Variants in ZSCAN22 observed in about 807,000 individuals in gnomAD.
ZSCAN22 encodes zinc finger and SCAN domain containing 22, also known as zinc finger and SCAN domain-containing protein 22.
Under a neutral mutation model 12.4 loss-of-function variants are expected in ZSCAN22, and 7 were observed. That is an observed-to-expected ratio of 0.57 (90% CI 0.32 to 1.06). ZSCAN22 has a LOEUF of 1.06. ZSCAN22 is among the 50% of genes least tolerant of loss of function. The pLI is 0.04. For missense variants in ZSCAN22, 576 were observed against 631.7 expected (o/e 0.91, Z 0.94); for synonymous variants, 243 against 255.9 (o/e 0.95, Z 0.48).
At chr19:58,330,191 G>A (rs1247335812) in intron 1 of ZSCAN22, among the ~76,000 whole-genome samples, 2 of 152,222 alleles carry the variant, frequency 1.3e-5, no homozygotes, top group Non-Finnish European at 2.9e-5. Context: ...TCGGGAGGCT[G>A]AGGCAGGAGA....
chr19:58,339,393 G>A lies in ZSCAN22; in HGVS notation c.*67G>A. The A allele has an allele frequency of 7.0e-7, 1 of 1,421,962 alleles. No individual in the cohort carries two copies. Among genetic ancestry groups the A allele is most frequent in the South Asian group, 1.4e-5 (1 of 71,546 alleles). 88.1% of individuals were successfully genotyped at this position (1,421,962 alleles called of 1,614,324 possible). A position where few individuals can be genotyped will look rare whatever the true frequency, so the allele number is the denominator to read the frequency against. ...AGGCTCGAGGTCTAAGAGAAACGCT[G>A]AGTTCCTGAAGAGCCACAGACAGGG... On this transcript the variant is annotated 3_prime_UTR_variant, in exon 3 of 3. Transcript: ENST00000329665. The surrounding 1 kb of genome is among the most constrained non-coding windows in gnomAD (Gnocchi z 5.6).
At chr19:58,334,651 CTT>C (rs1208716316) in intron 1 of ZSCAN22, 99 bp from the exon 2 acceptor site, 1 of 856,106 alleles carries the variant, frequency 1.2e-6, no homozygotes, top group Admixed American at 2.9e-5. Flanking sequence ...TTGTGAGAGT[CTT>C]TCACATCTCA....
At chr19:58,336,923 A>G (rs1467921918) in intron 2 of ZSCAN22, among the ~76,000 whole-genome samples, 1 of 152,188 alleles carries the variant, frequency 6.6e-6, no homozygotes, top group Admixed American at 6.5e-5. Context: ...CAGTTTCTGC[A>G]CTGCTGAGCC....
In ZSCAN22 at chr19:58,335,248, C is replaced by T. The variant is rs776527904; in HGVS notation, c.403+43C>T. On this transcript the variant is annotated intron_variant, in intron 2 of 2. Coordinates refer to ENST00000329665, the MANE Select transcript of ZSCAN22 (RefSeq NM_181846.3). This position sits in a 1 kb window ranked among gnomAD's most constrained non-coding sequence, Gnocchi z 4.1. Reference sequence around the variant, plus strand: ...GCAGCTTCACGGCACACCAGAGATACACCCTGGACAGGAACATGGGAGCAC... The same window carrying T: ...GCAGCTTCACGGCACACCAGAGATATACCCTGGACAGGAACATGGGAGCAC... The T allele has an allele frequency of 2.0e-6, 3 of 1,489,616 alleles. No individual in the cohort carries two copies. Among genetic ancestry groups the T allele is most frequent in the East Asian group, 2.4e-5 (1 of 41,054 alleles). The allele number at this position is 1,489,616 out of a possible 1,614,324, so 92.3% of individuals were successfully genotyped here. A position where few individuals can be genotyped will look rare whatever the true frequency, so the allele number is the denominator to read the frequency against.
In ZSCAN22 at chr19:58,341,610, T is replaced by C. The variant is rs964802298; in HGVS notation, c.*2284T>C. Reference sequence around the variant, plus strand: ...AGGTAAGACTCAGGGAGACAGAGACTTTGTGGAAGTATCTCTGAGGGAGTC... The same window carrying C: ...AGGTAAGACTCAGGGAGACAGAGACCTTGTGGAAGTATCTCTGAGGGAGTC... On this transcript the variant is annotated 3_prime_UTR_variant, in exon 3 of 3. Transcript: ENST00000329665. 7 of 152,282 alleles carry C rather than the reference T, an allele frequency of 4.6e-5. No homozygotes were observed. The highest frequency in any genetic ancestry group is 3.9e-4 in the Admixed American group (6 of 15,300). The allele number at this position is 152,282 out of a possible 1,614,324, so 9.4% of individuals were successfully genotyped here.
In ZSCAN22 at chr19:58,342,057, T is replaced by G. The variant is rs1431424144; in HGVS notation, c.*2731T>G. On this transcript the variant is annotated 3_prime_UTR_variant, in exon 3 of 3. Transcript: ENST00000329665. ...TGATGCTCTGAGCATCTTCACCCATTTGGTCGTTGAGACATATCTGTCCAT... is the reference window on the plus strand; with the variant it reads ...TGATGCTCTGAGCATCTTCACCCATGTGGTCGTTGAGACATATCTGTCCAT... 1 of 152,138 alleles carries G rather than the reference T, an allele frequency of 6.6e-6. No homozygotes were observed. Among genetic ancestry groups the G allele is most frequent in the Non-Finnish European group, 1.5e-5 (1 of 68,042 alleles). 9.4% of individuals were successfully genotyped at this position (152,138 alleles called of 1,614,324 possible).
Position 58,339,366 on chromosome 19 carries a change from G to A in ZSCAN22, c.*40G>A, listed in dbSNP as rs199724083. Reference sequence around the variant, plus strand: ...TGGGGGCGTAGCACAGCGTCTTCTCGGAGGCTCGAGGTCTAAGAGAAACGC... The same window carrying A: ...TGGGGGCGTAGCACAGCGTCTTCTCAGAGGCTCGAGGTCTAAGAGAAACGC... On this transcript the variant is annotated 3_prime_UTR_variant, in exon 3 of 3. Coordinates refer to ENST00000329665, the MANE Select transcript of ZSCAN22 (RefSeq NM_181846.3). The surrounding 1 kb of genome is among the most constrained non-coding windows in gnomAD (Gnocchi z 5.6). 52 of 1,518,638 alleles carry A rather than the reference G, an allele frequency of 3.4e-5. No individual in the cohort carries two copies. Among genetic ancestry groups the A allele is most frequent in the Admixed American group, 2.3e-4 (11 of 47,630 alleles). 94.1% of individuals were successfully genotyped at this position (1,518,638 alleles called of 1,614,324 possible).
chr19:58,332,132 G>C (rs1366307636), intron 1 of ZSCAN22, among the ~76,000 whole-genome samples: 1 of 149,710 alleles, frequency 6.7e-6, no homozygotes, highest in South Asian at 2.1e-4. Context: ...CGGTCTCCCA[G>C]AGTGCTGGGA....
rs779224811 is a variant in ZSCAN22 at position 58,340,480 on chromosome 19, CTT to C, written c.*1166_*1167del. On this transcript the variant is annotated 3_prime_UTR_variant, in exon 3 of 3. Transcript: ENST00000329665. ...CTTCTTTTTCTTTTTCTTTTCTTTT[CTT>C]TTTTTTTTTTTGAGATGGAGTCTCG... is the stretch of plus-strand genomic sequence containing the variant. 3.0e-4 allele frequency: 42 copies of C among 142,224 alleles called. No individual in the cohort carries two copies. The highest frequency in any genetic ancestry group is 5.3e-4 in the Non-Finnish European group (36 of 67,570). 8.8% of individuals were successfully genotyped at this position (142,224 alleles called of 1,614,324 possible). A position where few individuals can be genotyped will look rare whatever the true frequency, so the allele number is the denominator to read the frequency against.
Position 58,335,216 on chromosome 19 carries a change from G to A in ZSCAN22, c.403+11G>A, listed in dbSNP as rs374571047. 120 of 1,557,554 alleles carry A rather than the reference G, an allele frequency of 7.7e-5. 2 individuals are homozygous for A. Among genetic ancestry groups the A allele is most frequent in the South Asian group, 5.5e-4 (46 of 83,610 alleles). On this transcript the variant is annotated intron_variant, in intron 2 of 2. Transcript: ENST00000329665. The surrounding 1 kb of genome is among the most constrained non-coding windows in gnomAD (Gnocchi z 4.1). ...TGCTGGACAAGAGAGGTAAAGGGGC[G>A]CCGTGGGCAGCTTCACGGCACACCA...
Position 58,330,179 on chromosome 19 carries a change from AC to A in ZSCAN22, c.-52+3066del, listed in dbSNP as rs527944149. Among the ~76,000 whole-genome samples the A allele has an allele frequency of 3.6e-3, 552 of 152,180 alleles. 3 individuals are homozygous for A. In the Middle Eastern group the frequency reaches 0.044, roughly 12 times the overall value. On this transcript the variant is annotated intron_variant, in intron 1 of 2. Coordinates refer to ENST00000329665, the MANE Select transcript of ZSCAN22 (RefSeq NM_181846.3). ...GTGGTGGGTGCCTGTAGTCCCAGCT[AC>A]TCGGGAGGCTGAGGCAGGAGAATGG...
rs151162243 is a variant in ZSCAN22, at chr19:58,338,381, A to C, written c.531A>C (p.Ala177=). The C allele has an allele frequency of 4.3e-6, 7 of 1,614,080 alleles. No homozygotes were observed. The highest frequency in any genetic ancestry group is 1.3e-5 in the African/African-American group (1 of 74,926). Residue 177 remains alanine, a synonymous_variant, in exon 3 of 3, where the codon GCA becomes GCC. Coordinates refer to ENST00000329665, the MANE Select transcript of ZSCAN22 (RefSeq NM_181846.3). The surrounding 1 kb of genome is among the most constrained non-coding windows in gnomAD (Gnocchi z 5.4). ...CCCTTGGACCCGCCTTTGTCAAGGC[A>C]TGTGAACCTGAGGGCAGCTCAGAGA... ...GVSLGPAFVK[A]CEPEGSSERS...
At position 58,335,732 on chromosome 19, in the gene ZSCAN22, C is replaced by T. The variant is rs545011020; in HGVS notation, c.403+527C>T. Among the ~76,000 whole-genome samples, 12 of 152,190 alleles carry T rather than the reference C, an allele frequency of 7.9e-5. No homozygotes were observed. The highest frequency in any genetic ancestry group is 1.4e-4 in the African/African-American group (6 of 41,446). On this transcript the variant is annotated intron_variant, in intron 2 of 2. Coordinates refer to ENST00000329665, the MANE Select transcript of ZSCAN22 (RefSeq NM_181846.3). The surrounding 1 kb of genome is among the most constrained non-coding windows in gnomAD (Gnocchi z 4.1). ...TGGCTGTTTCTCAGAGGAAACCAGA[C>T]GAGGGCCTGGGTGCCTGGGGTGGCT...
chr19:58,338,880 A>G lies in ZSCAN22; in HGVS notation c.1030A>G (p.Arg344Gly). The G allele has an allele frequency of 6.2e-7, 1 of 1,613,924 alleles. No homozygotes were observed. The highest frequency in any genetic ancestry group is 8.5e-7 in the Non-Finnish European group (1 of 1,179,990). ...AGTCACCCACCTGACTCAGCACCAA[A>G]GGATTCATACTGGAGAGAAACCCTA... The part of the protein sequence containing the change: ...SRVTHLTQHQ[R>G]IHTGEKPYKC... Residue 344 changes from arginine to glycine, a missense_variant, in exon 3 of 3, where the codon AGG becomes GGG. Transcript: ENST00000329665. This position sits in a 1 kb window ranked among gnomAD's most constrained non-coding sequence, Gnocchi z 5.4.
rs774537954 is a variant in ZSCAN22 at position 58,338,780 on chromosome 19, C to T, written c.930C>T (p.His310=). The T allele has an allele frequency of 1.5e-5, 24 of 1,614,072 alleles. No individual in the cohort carries two copies. The highest frequency in any genetic ancestry group is 2.0e-5 in the Non-Finnish European group (24 of 1,180,028). ...ECGKAFSRST[H]LAQHQVVHTG... ...GGAAAGCCTTCAGCCGGAGCACTCA[C>T]CTCGCCCAGCACCAGGTTGTCCACA... The change falls in exon 3 of 3, where the codon CAC becomes CAT. Residue 310 remains histidine (H), a synonymous_variant. Coordinates refer to ENST00000329665, the MANE Select transcript of ZSCAN22 (RefSeq NM_181846.3). This position sits in a 1 kb window ranked among gnomAD's most constrained non-coding sequence, Gnocchi z 5.4.
chr19:58,331,215 CTT>C (rs60442054), intron 1 of ZSCAN22, among the ~76,000 whole-genome samples: 19 of 131,412 alleles, frequency 1.4e-4, no homozygotes, highest in Admixed American at 2.3e-4. Context: ...ATCAAATGCA[CTT>C]TTTTTTTTTT....
rs530965276 is a variant in ZSCAN22 at position 58,339,029 on chromosome 19, G to A, written c.1179G>A (p.Thr393=). The change falls in exon 3 of 3, where the codon ACG becomes ACA. Residue 393 remains threonine, a synonymous_variant. Transcript: ENST00000329665. This position sits in a 1 kb window ranked among gnomAD's most constrained non-coding sequence, Gnocchi z 5.6. ...DACGKAFSQS[T]HLTQHQRIHT... ...GTGGGAAAGCCTTCAGCCAGAGCAC[G>A]CACCTGACTCAACACCAGCGCATCC... 8.7e-6 allele frequency: 14 copies of A among 1,613,484 alleles called. No individual in the cohort carries two copies. The highest frequency in any genetic ancestry group is 2.2e-5 in the East Asian group (1 of 44,882).
At position 58,335,795 on chromosome 19, in the gene ZSCAN22, C is replaced by T. The variant is rs2051790146; in HGVS notation, c.403+590C>T. 6.6e-6 allele frequency among the ~76,000 whole-genome samples: 1 copy of T among 152,342 alleles called. No individual in the cohort carries two copies. Among genetic ancestry groups the T allele is most frequent in the African/African-American group, 2.4e-5 (1 of 41,580 alleles). On this transcript the variant is annotated intron_variant, in intron 2 of 2. Coordinates refer to ENST00000329665, the MANE Select transcript of ZSCAN22 (RefSeq NM_181846.3). This position sits in a 1 kb window ranked among gnomAD's most constrained non-coding sequence, Gnocchi z 4.1. The stretch of plus-strand genomic sequence containing the variant: ...GGAAATACCAGATGTCCCTGTGTAC[C>T]TTCTCTATGCCCACCCTGGGCTGGC...
chr19:58,335,262 A>G lies in ZSCAN22; in HGVS notation c.403+57A>G, dbSNP rs1297533209. The G allele has an allele frequency of 4.1e-6, 6 of 1,468,356 alleles. No homozygotes were observed. The East Asian group carries it at 9.9e-5, about 24-fold the overall frequency. The allele number at this position is 1,468,356 out of a possible 1,614,324, so 91.0% of individuals were successfully genotyped here. On this transcript the variant is annotated intron_variant, in intron 2 of 2. Coordinates refer to ENST00000329665, the MANE Select transcript of ZSCAN22 (RefSeq NM_181846.3). This position sits in a 1 kb window ranked among gnomAD's most constrained non-coding sequence, Gnocchi z 4.1. ...CACCAGAGATACACCCTGGACAGGA[A>G]CATGGGAGCACAGGGCTCTGGTTTG... is the stretch of plus-strand genomic sequence containing the variant.
Sources: gnomAD v4.1 joint callset for allele counts (sites outside exome capture counted in the v4.1 genomes callset) on GRCh38, gnomAD v4.1.1 for gene constraint, Gnocchi (gnomAD v3.1) non-coding constraint, MANE v1.5 for transcripts, NCBI Gene and HGNC (gene_info 2026-07-23, HGNC 2026-07-21) for gene names.